The following MAP3K6 variants were observed in gnomAD, a reference collection of about 807,000 sequenced individuals.
MAP3K6 encodes the protein mitogen-activated protein kinase kinase kinase 6.
MAP3K6 carries 105 observed loss-of-function variants against 147.1 expected under a neutral mutation model. That is an observed-to-expected ratio of 0.71 (90% CI 0.61 to 0.84). The LOEUF (loss-of-function observed/expected upper bound fraction) is 0.84, where lower values mean the gene tolerates loss of function less well. Ranked by LOEUF, MAP3K6 falls within the 40% of genes least tolerant of loss-of-function variation. The pLI, the probability that MAP3K6 is intolerant of heterozygous loss-of-function variation, is 0.00. For missense variants in MAP3K6, 1,569 were observed against 1,715.0 expected (o/e 0.91, Z 1.50); for synonymous variants, 695 against 732.4 (o/e 0.95, Z 0.82).
Position 27,360,742 on chromosome 1 carries a change from G to A in MAP3K6, c.2017C>T (p.Arg673Cys), listed in dbSNP as rs2015720268. 6.2e-7 allele frequency: 1 copy of A among 1,612,490 alleles called. No homozygotes were observed. The highest frequency in any genetic ancestry group is 1.1e-5 in the South Asian group (1 of 91,052). ...TCCGGGATCTCCTTGATGGCGATGC[G>A]CACCCTCGTGTGGCGATCGCGGCCC... is the stretch of plus-strand genomic sequence containing the variant. ...YAGRDRHTRVRIAIKEIPERD... is the reference protein window; with the variant it reads ...YAGRDRHTRVCIAIKEIPERD... Residue 673 changes from arginine (R) to cysteine (C), a missense_variant, in exon 15 of 29, where the codon CGC becomes TGC. Physicochemically the swap from Arg to Cys is radical, Grantham distance 180. Transcript: ENST00000357582. This position sits in a 1 kb window ranked among gnomAD's most constrained non-coding sequence, Gnocchi z 4.5.
In MAP3K6 at chr1:27,357,383, C is replaced by G. The variant is rs752002725; in HGVS notation, c.3258+17G>C. ...ACCTGTTGTTGGGCAGCTCTAACTACCAGAAGGCGCCCTCACCGCATCCGG... is the reference window on the plus strand; with the variant it reads ...ACCTGTTGTTGGGCAGCTCTAACTAGCAGAAGGCGCCCTCACCGCATCCGG... On this transcript the variant is annotated intron_variant, in intron 23 of 28. Coordinates refer to ENST00000357582, the MANE Select transcript of MAP3K6 (RefSeq NM_004672.5). The G allele has an allele frequency of 6.3e-7, 1 of 1,586,646 alleles. No individual in the cohort carries two copies. The highest frequency in any genetic ancestry group is 8.6e-7 in the Non-Finnish European group (1 of 1,162,682).
Position 27,357,571 on chromosome 1 carries a change from G to C in MAP3K6, c.3087C>G (p.Ala1029=). ...CTTCCACATGGTTTCTGCCCAGACGGGCCCCCTGAGAAGGAAGAGAGGGGT... is the reference window on the plus strand; with the variant it reads ...CTTCCACATGGTTTCTGCCCAGACGCGCCCCCTGAGAAGGAAGAGAGGGGT... ...LHQEQKQEQG[A]RLGRNHVEEL... is the part of the protein sequence containing the mutation. The change falls in exon 23 of 29, where the codon GCC becomes GCG. Residue 1029 remains alanine, a synonymous_variant. Coordinates refer to ENST00000357582, the MANE Select transcript of MAP3K6 (RefSeq NM_004672.5). 6.2e-7 allele frequency: 1 copy of C among 1,607,190 alleles called. No homozygotes were observed. Among genetic ancestry groups the C allele is most frequent in the Non-Finnish European group, 8.5e-7 (1 of 1,176,012 alleles).
rs2015534004 is a variant in MAP3K6 at position 27,356,629 on chromosome 1, A to T, written c.3485T>A (p.Leu1162Gln). The T allele has an allele frequency of 6.2e-7, 1 of 1,612,778 alleles. No individual in the cohort carries two copies. Among genetic ancestry groups the T allele is most frequent in the African/African-American group, 1.3e-5 (1 of 75,058 alleles). Residue 1162 changes from leucine (L) to glutamine (Q), a missense_variant, in exon 25 of 29, where the codon CTG becomes CAG. Transcript: ENST00000357582. ...PVEPEQGPAP[L>Q]MVQLSLLRAE... Reference sequence around the variant, plus strand: ...CCTCAAGAGGCTCAGCTGCACCATCAGAGGAGCGGGGCCCTGCTCGGGCTC... The same window carrying T: ...CCTCAAGAGGCTCAGCTGCACCATCTGAGGAGCGGGGCCCTGCTCGGGCTC...
Position 27,363,930 on chromosome 1 carries a change from T to G in MAP3K6, c.851A>C (p.Tyr284Ser). The change falls in exon 5 of 29, where the codon TAC (tyrosine) becomes TCC (serine). Residue 284 changes from tyrosine to serine, a missense_variant. Physicochemically the swap from Tyr to Ser is moderately radical, Grantham distance 144. Transcript: ENST00000357582. ...PDIIMNLLLS[Y>S]RDVQDYSAII... ...AACACCACGCACCTGCACATCGCGG[T>G]AGGAGAGCAGCAAGTTCATGATGAT... 2 of 1,598,222 alleles carry G rather than the reference T, an allele frequency of 1.3e-6. No homozygotes were observed. The highest frequency in any genetic ancestry group is 1.7e-6 in the Non-Finnish European group (2 of 1,173,828).
rs2015746394 is a variant in MAP3K6 at position 27,361,110 on chromosome 1, C to CTGA, written c.1832+46_1832+47insTCA. 2.6e-6 allele frequency: 4 copies of CTGA among 1,554,106 alleles called. No homozygotes were observed. In the East Asian group the frequency reaches 9.4e-5, roughly 37 times the overall value. ...TCCCTTTCTTTCCCCCACTCCCCCCCGGGCATCCTGGCCCTCAGAGTACCC... is the reference window on the plus strand; with the variant it reads ...TCCCTTTCTTTCCCCCACTCCCCCCCTGAGGGCATCCTGGCCCTCAGAGTACCC... On this transcript the variant is annotated intron_variant, in intron 13 of 28. Transcript: ENST00000357582.
chr1:27,358,663 G>T lies in MAP3K6; in HGVS notation c.2583+46C>A, dbSNP rs1557558295. The T allele has an allele frequency of 6.2e-7, 1 of 1,613,460 alleles. No homozygotes were observed. Among genetic ancestry groups the T allele is most frequent in the African/African-American group, 1.3e-5 (1 of 75,024 alleles). ...ACATTCAGAGGTGTCCAAGGCCCAG[G>T]CTGGCCCTATGCCACTTCCATGGGC... On this transcript the variant is annotated intron_variant, in intron 19 of 28. Coordinates refer to ENST00000357582, the MANE Select transcript of MAP3K6 (RefSeq NM_004672.5). The surrounding 1 kb of genome is among the most constrained non-coding windows in gnomAD (Gnocchi z 6.2).
At position 27,355,724 on chromosome 1, in the gene MAP3K6, G is replaced by T. The variant is rs375004232; in HGVS notation, c.3733C>A (p.Leu1245Ile). The T allele has an allele frequency of 1.3e-5, 21 of 1,613,938 alleles. No individual in the cohort carries two copies. The highest frequency in any genetic ancestry group is 1.7e-5 in the Non-Finnish European group (20 of 1,180,048). The part of the protein sequence containing the change: ...IQMLLNHSFT[L>I]HTLLTYATRD... ...GTGGCATAGGTGAGCAGAGTGTGGA[G>T]GGTGAAGCTATGGTTCAACAGCTGG... The change falls in exon 28 of 29, where the codon CTC (leucine) becomes ATC (isoleucine). Residue 1245 changes from leucine to isoleucine, a missense_variant. Physicochemically the swap from Leu to Ile is conservative, Grantham distance 5. Coordinates refer to ENST00000357582, the MANE Select transcript of MAP3K6 (RefSeq NM_004672.5).
Position 27,360,036 on chromosome 1 carries a change from C to T in MAP3K6, c.2183-42G>A. On this transcript the variant is annotated intron_variant, in intron 16 of 28. Transcript: ENST00000357582. This position sits in a 1 kb window ranked among gnomAD's most constrained non-coding sequence, Gnocchi z 4.5. ...CAAGTTCATTCTTCCCACCCACTGG[C>T]TCCAGCCCACATCTCTCTGCTCAAG... The T allele has an allele frequency of 6.2e-7, 1 of 1,611,782 alleles. No homozygotes were observed. Among genetic ancestry groups the T allele is most frequent in the South Asian group, 1.1e-5 (1 of 90,984 alleles).
At chr1:27,356,871 A>G in intron 24 of MAP3K6, 122 bp from the exon 25 acceptor site, 1 of 1,422,578 alleles carries the variant, frequency 7.0e-7, no homozygotes, top group Non-Finnish European at 9.5e-7. Flanking sequence ...GGTATGGGAG[A>G]TGTCCATTTA....
Position 27,363,514 on chromosome 1 carries a change from A to T in MAP3K6, c.899T>A (p.Leu300Gln). ...CACATCACAGGTGGGCAAGGCCTGC[A>T]GCGTCTCCACCAGCTCAATGATGGC... ...YSAIIELVET[L>Q]QALPTCDVAE... is the part of the protein sequence containing the mutation. Residue 300 changes from leucine to glutamine, a missense_variant, in exon 6 of 29, where the codon CTG becomes CAG. Coordinates refer to ENST00000357582, the MANE Select transcript of MAP3K6 (RefSeq NM_004672.5). The T allele has an allele frequency of 6.2e-7, 1 of 1,613,452 alleles. No individual in the cohort carries two copies. Among genetic ancestry groups the T allele is most frequent in the South Asian group, 1.1e-5 (1 of 90,974 alleles).
chr1:27,363,071 G>A, intron 6 of MAP3K6, 50 bp from the exon 7 acceptor site: 2 of 1,539,638 alleles, frequency 1.3e-6, no homozygotes, highest in South Asian at 2.4e-5. Context: ...GGCCTACTCT[G>A]TCCAGGGACC....
Position 27,358,908 on chromosome 1 carries a change from T to G in MAP3K6, c.2426-42A>C. The G allele has an allele frequency of 2.0e-6, 3 of 1,530,926 alleles. No homozygotes were observed. The highest frequency in any genetic ancestry group is 2.6e-6 in the Non-Finnish European group (3 of 1,138,704). 94.8% of individuals were successfully genotyped at this position (1,530,926 alleles called of 1,614,324 possible). A position where few individuals can be genotyped will look rare whatever the true frequency, so the allele number is the denominator to read the frequency against. ...AGCACCAATGCCCATCTAGGCTTCA[T>G]CATGGGGTTGGAGCAGGGAGGGGAA... On this transcript the variant is annotated intron_variant, in intron 18 of 28. Coordinates refer to ENST00000357582, the MANE Select transcript of MAP3K6 (RefSeq NM_004672.5). This position sits in a 1 kb window ranked among gnomAD's most constrained non-coding sequence, Gnocchi z 6.2.
At position 27,357,045 on chromosome 1, in the gene MAP3K6, G is replaced by A. The variant is rs2015553786; in HGVS notation, c.3328C>T (p.Arg1110Cys). The A allele has an allele frequency of 1.2e-6, 2 of 1,614,054 alleles. No individual in the cohort carries two copies. The highest frequency in any genetic ancestry group is 1.3e-5 in the African/African-American group (1 of 75,072). Residue 1110 changes from arginine (R) to cysteine (C), a missense_variant, in exon 24 of 29, where the codon CGT becomes TGT. By Grantham distance (180) the Arg-to-Cys change is radical. Coordinates refer to ENST00000357582, the MANE Select transcript of MAP3K6 (RefSeq NM_004672.5). ...ACACCCAGGGCTGCCCGCACAGCAC[G>A]GCTGAGCAGTGAGTCCAGAACGAAC... ...WMFVLDSLLS[R>C]AVRAALGVLG...
In MAP3K6 at chr1:27,357,696, G is replaced by C. The variant is rs765576702; in HGVS notation, c.3081+15C>G. The C allele has an allele frequency of 6.2e-7, 1 of 1,608,796 alleles. No individual in the cohort carries two copies. The highest frequency in any genetic ancestry group is 1.1e-5 in the South Asian group (1 of 90,982). Reference sequence around the variant, plus strand: ...CCTTTGCGACCACCAGGGGGCGCTAGAGTGGGCCGCCCACCTGCTCTTGCT... The same window carrying C: ...CCTTTGCGACCACCAGGGGGCGCTACAGTGGGCCGCCCACCTGCTCTTGCT... On this transcript the variant is annotated intron_variant, in intron 22 of 28. Coordinates refer to ENST00000357582, the MANE Select transcript of MAP3K6 (RefSeq NM_004672.5).
In MAP3K6 at chr1:27,360,095, TC is replaced by T. The variant is rs1444318579; in HGVS notation, c.2183-102del. 1 of 1,582,176 alleles carries T rather than the reference TC, an allele frequency of 6.3e-7. No homozygotes were observed. Among genetic ancestry groups the T allele is most frequent in the Admixed American group, 1.7e-5 (1 of 59,042 alleles). ...ACACCCATGTTGTAGCCCAACTCCA[TC>T]ACCCAGCGCCACTCCTCAGCTAATT... On this transcript the variant is annotated intron_variant, in intron 16 of 28. Transcript: ENST00000357582. The surrounding 1 kb of genome is among the most constrained non-coding windows in gnomAD (Gnocchi z 4.5).
At chr1:27,365,535 C>T (rs901771210) in intron 1 of MAP3K6, among the ~76,000 whole-genome samples, 1 of 152,066 alleles carries the variant, frequency 6.6e-6, no homozygotes, top group Non-Finnish European at 1.5e-5. Context: ...CTAGCATAAG[C>T]AAGTAAGTAT....
chr1:27,356,675 G>A lies in MAP3K6; in HGVS notation c.3439C>T (p.Gln1147Ter), dbSNP rs1474555085. 1.2e-6 allele frequency: 2 copies of A among 1,610,834 alleles called. No individual in the cohort carries two copies. The highest frequency in any genetic ancestry group is 1.7e-6 in the Non-Finnish European group (2 of 1,178,444). The change falls in exon 25 of 29, where the codon CAG becomes TAG. Residue 1147 changes from glutamine to a stop codon, truncating the protein, a stop_gained. Transcript: ENST00000357582. LOFTEE classifies it high-confidence loss of function. The stretch of plus-strand genomic sequence containing the variant: ...GGCTCCACCGGAAGCGGGCTCTGCT[G>A]GCCTGGGCTCTGCTGGGAGTCCCCT... ...NEGDSQQSPG[Q>*]QSPLPVEPEQ... is the part of the protein sequence containing the mutation.
intron 12 of MAP3K6, 34 bp downstream of exon 12, chr1:27,361,312 C>G: frequency 1.9e-6 from 3 of 1,613,862 alleles, no homozygotes; most frequent in Non-Finnish European, 2.5e-6. Context: ...CCTCACCTCC[C>G]GTCTTTCCAG....
Position 27,360,906 on chromosome 1 carries a change from G to T in MAP3K6, c.1920+15C>A. ...GCCCCTCGCCCTCCGCGAGCTCCCA[G>T]TCCCGCGTCCTCACCTCCAACATCT... On this transcript the variant is annotated intron_variant, in intron 14 of 28. Transcript: ENST00000357582. The surrounding 1 kb of genome is among the most constrained non-coding windows in gnomAD (Gnocchi z 4.5). 4.4e-6 allele frequency: 7 copies of T among 1,608,194 alleles called. No homozygotes were observed. The highest frequency in any genetic ancestry group is 5.9e-6 in the Non-Finnish European group (7 of 1,176,934).
Sources: allele counts gnomAD v4.1 joint callset (sites outside exome capture counted in the v4.1 genomes callset), GRCh38; gene constraint gnomAD v4.1.1; non-coding constraint Gnocchi (gnomAD v3.1); transcripts MANE v1.5; gene names NCBI Gene and HGNC (gene_info 2026-07-23, HGNC 2026-07-21).